FAM184B: variants seen among roughly 807,000 people sequenced by gnomAD.
FAM184B encodes protein FAM184B.
A neutral mutation model predicts 135.9 loss-of-function variants in FAM184B; 111 were observed. The ratio of observed to expected loss-of-function variants is 0.82; its 90% confidence interval spans 0.70 to 0.96. The LOEUF (loss-of-function observed/expected upper bound fraction) is 0.96, where lower values mean the gene tolerates loss of function less well. Ranked by LOEUF, FAM184B falls within the 40% of genes least tolerant of loss-of-function variation. The pLI, the probability that FAM184B is intolerant of heterozygous loss-of-function variation, is 0.00. For missense variants in FAM184B, 1,375 were observed against 1,323.9 expected, an observed-to-expected ratio of 1.04 and a Z score of -0.60; for synonymous variants, 552 against 524.8, an observed-to-expected ratio of 1.05 and a Z score of -0.71.
intron 7 of FAM184B, among the ~76,000 whole-genome samples, chr4:17,666,469 C>CTTTTTTTT (rs386399397): frequency 1.2e-4 from 7 of 57,156 alleles, no homozygotes; most frequent in East Asian, 6.5e-4. Flanking sequence ...GTGCCTGGTT[C>CTTTTTTTT]TTTTTTTTTT....
chr4:17,730,570 G>C (rs947759917), intron 1 of FAM184B, among the ~76,000 whole-genome samples: 1 of 152,144 alleles, frequency 6.6e-6, no homozygotes, highest in Non-Finnish European at 1.5e-5. Context: ...AGATCTCTTC[G>C]CAGAAACTCT....
rs2108964245 is a variant in FAM184B, at chr4:17,705,744, G to C, written c.1170+8C>G. On this transcript the variant is annotated splice_region_variant and intron_variant, in intron 4 of 17. Transcript: ENST00000265018. ...CTTCTCCATCCCCAGGGCTGGGTCA[G>C]ACACTACCTGCATATCTGTGCCTCC... is the stretch of plus-strand genomic sequence containing the variant. 3 of 1,551,670 alleles carry C rather than the reference G, an allele frequency of 1.9e-6. No homozygotes were observed. In the East Asian group the frequency reaches 7.3e-5, roughly 38 times the overall value.
chr4:17,781,164 T>A lies in FAM184B; in HGVS notation c.136A>T (p.Thr46Ser). 1 of 1,544,002 alleles carries A rather than the reference T, an allele frequency of 6.5e-7. No individual in the cohort carries two copies. Among genetic ancestry groups the A allele is most frequent in the Non-Finnish European group, 8.7e-7 (1 of 1,143,286 alleles). Residue 46 changes from threonine (T) to serine (S), a missense_variant, in exon 1 of 18, where the codon ACC becomes TCC. Thr to Ser is a moderately conservative substitution (Grantham distance 58). Coordinates refer to ENST00000265018, the MANE Select transcript of FAM184B (RefSeq NM_015688.2). The surrounding 1 kb of genome is among the most constrained non-coding windows in gnomAD (Gnocchi z 6.5). ...VKMCKKIAQLTKVIYALNTRQ... is the reference protein window; with the variant it reads ...VKMCKKIAQLSKVIYALNTRQ... ...CCCGCTGCGCCCCACCTTACCTTGG[T>A]GAGCTGGGCGATCTTCTTGCACATT...
chr4:17,636,634 G>C lies in FAM184B; in HGVS notation c.2678C>G (p.Ser893Cys). ...CGCTCCCTTCCCTGGCTTCTCTCCGGAATCTTTCAGTCTGTTCCAAGCAGG... is the reference window on the plus strand; with the variant it reads ...CGCTCCCTTCCCTGGCTTCTCTCCGCAATCTTTCAGTCTGTTCCAAGCAGG... ...LAALEAELKD[S>C]GEKPGKGASR... Residue 893 changes from serine to cysteine, a missense_variant, in exon 15 of 18, where the codon TCC (serine) becomes TGC (cysteine). Ser to Cys is a moderately radical substitution (Grantham distance 112). Transcript: ENST00000265018. 1.9e-6 allele frequency: 3 copies of C among 1,549,214 alleles called. No individual in the cohort carries two copies. Among genetic ancestry groups the C allele is most frequent in the Non-Finnish European group, 2.6e-6 (3 of 1,146,384 alleles).
intron 1 of FAM184B, among the ~76,000 whole-genome samples, chr4:17,718,952 T>C (rs780021243): frequency 3.9e-5 from 6 of 152,256 alleles, no homozygotes; most frequent in Non-Finnish European, 5.9e-5. Flanking sequence ...AATTAGTATG[T>C]ACAGTAGTTG....
At chr4:17,657,379 C>A (rs931015467) in intron 10 of FAM184B, among the ~76,000 whole-genome samples, 1 of 152,192 alleles carries the variant, frequency 6.6e-6, no homozygotes, top group African/African-American at 2.4e-5. Context: ...ACTCCTCAAA[C>A]CTTCCTTCTT....
intron 14 of FAM184B, among the ~76,000 whole-genome samples, chr4:17,638,987 C>T (rs1715229793): frequency 6.6e-6 from 1 of 152,162 alleles, no homozygotes; most frequent in Non-Finnish European, 1.5e-5. Context: ...CAGGCGTGTG[C>T]CACCACACCT....
At chr4:17,771,388 T>G (rs1212756502) in intron 1 of FAM184B, among the ~76,000 whole-genome samples, 1 of 152,140 alleles carries the variant, frequency 6.6e-6, no homozygotes, top group Admixed American at 6.5e-5. Flanking sequence ...ACATTCAACT[T>G]AAGGTGCACT....
At chr4:17,652,598 CCTGGCCTGTG>C (rs1715650554) in intron 11 of FAM184B, among the ~76,000 whole-genome samples, 1 of 152,076 alleles carries the variant, frequency 6.6e-6, no homozygotes, top group Admixed American at 6.6e-5. Flanking sequence ...TTCCTGGAGC[CCTGGCCTGTG>C]AGCCCGAGAC....
intron 1 of FAM184B, among the ~76,000 whole-genome samples, chr4:17,727,489 G>C (rs758457491): frequency 1.3e-5 from 2 of 152,202 alleles, no homozygotes; most frequent in African/African-American, 2.4e-5. Context: ...ATAAACAAAA[G>C]AGGTTTAATT....
At chr4:17,683,289 G>A (rs1013267040) in intron 7 of FAM184B, among the ~76,000 whole-genome samples, 1 of 152,222 alleles carries the variant, frequency 6.6e-6, no homozygotes, top group Non-Finnish European at 1.5e-5. Context: ...ATCTATTGAA[G>A]TTAAACACGC....
At chr4:17,650,169 C>A (rs571486803) in intron 11 of FAM184B, among the ~76,000 whole-genome samples, 12 of 152,154 alleles carry the variant, frequency 7.9e-5, no homozygotes, top group Admixed American at 7.9e-4. Context: ...TCCACCCACA[C>A]CCCCATCCAC....
chr4:17,741,925 T>C (rs1333110060), intron 1 of FAM184B, among the ~76,000 whole-genome samples: 1 of 152,044 alleles, frequency 6.6e-6, no homozygotes, highest in Non-Finnish European at 1.5e-5. Context: ...TCAATAGGTT[T>C]ACTATCAATA....
At position 17,660,391 on chromosome 4, in the gene FAM184B, T is replaced by C. The variant is rs189158274; in HGVS notation, c.1695-304A>G. Among the ~76,000 whole-genome samples, 20 of 152,286 alleles carry C rather than the reference T, an allele frequency of 1.3e-4. No homozygotes were observed. In the East Asian group the frequency reaches 3.9e-3, roughly 29 times the overall value. ...AATAAATGATGATCAACTGTCAGAATGACTGAGAGCTTAGAGTTACTGATA... is the reference window on the plus strand; with the variant it reads ...AATAAATGATGATCAACTGTCAGAACGACTGAGAGCTTAGAGTTACTGATA... On this transcript the variant is annotated intron_variant, in intron 8 of 17. Transcript: ENST00000265018.
At chr4:17,777,076 A>C (rs1432199087) in intron 1 of FAM184B, among the ~76,000 whole-genome samples, 1 of 152,230 alleles carries the variant, frequency 6.6e-6, no homozygotes, top group East Asian at 1.9e-4. Flanking sequence ...TCATAGCAGC[A>C]TTATTCATAA....
At chr4:17,714,584 G>C (rs1327434497) in intron 1 of FAM184B, among the ~76,000 whole-genome samples, 1 of 152,112 alleles carries the variant, frequency 6.6e-6, no homozygotes, top group Non-Finnish European at 1.5e-5. Flanking sequence ...ATTAGTACCT[G>C]TTTGGGGTCC....
chr4:17,712,236 C>G (rs1717292968), intron 1 of FAM184B, among the ~76,000 whole-genome samples: 1 of 152,094 alleles, frequency 6.6e-6, no homozygotes, highest in Non-Finnish European at 1.5e-5. Flanking sequence ...TTGGTGATGA[C>G]AAGGCCAAGT....
chr4:17,771,952 C>T (rs1718828087), intron 1 of FAM184B, among the ~76,000 whole-genome samples: 1 of 152,160 alleles, frequency 6.6e-6, no homozygotes, highest in Admixed American at 6.5e-5. Context: ...AAAATTTTCC[C>T]CCAACTAAAG....
At chr4:17,713,266 C>T (rs528029717) in intron 1 of FAM184B, among the ~76,000 whole-genome samples, 34 of 152,196 alleles carry the variant, frequency 2.2e-4, no homozygotes, top group African/African-American at 8.0e-4. Flanking sequence ...CTTGTGAAGC[C>T]CTGGGAGAAT....
Sources: allele counts gnomAD v4.1 joint callset (sites outside exome capture counted in the v4.1 genomes callset), GRCh38; gene constraint gnomAD v4.1.1; non-coding constraint Gnocchi (gnomAD v3.1); transcripts MANE v1.5; gene names NCBI Gene and HGNC (gene_info 2026-07-23, HGNC 2026-07-21).